Variants in GRID1 observed in about 807,000 individuals in gnomAD.
GRID1 encodes glutamate ionotropic receptor delta type subunit 1.
GRID1 carries 28 observed loss-of-function variants against 98.0 expected under a neutral mutation model. That is an observed-to-expected ratio of 0.29 (90% CI 0.21 to 0.39). The LOEUF (loss-of-function observed/expected upper bound fraction) is 0.39, where lower values mean the gene tolerates loss of function less well. Ranked by LOEUF, GRID1 falls within the 10% of genes least tolerant of loss-of-function variation. The pLI is 1.00. For synonymous variants in GRID1, 553 were observed against 538.5 expected (o/e 1.03, Z -0.37); for missense variants, 1,111 against 1,340.5 (o/e 0.83, Z 2.67).
chr10:86,065,457 C>T (rs1843706849), intron 4 of GRID1, among the ~76,000 whole-genome samples: 1 of 152,244 alleles, frequency 6.6e-6, no homozygotes, highest in Non-Finnish European at 1.5e-5. Context: ...TTGGCTCCAG[C>T]ACAGCTGAGT....
chr10:85,832,546 A>G (rs1842876369), intron 8 of GRID1, among the ~76,000 whole-genome samples: 1 of 152,214 alleles, frequency 6.6e-6, no homozygotes, highest in Admixed American at 6.5e-5. Context: ...TTTCTGAAGA[A>G]GATGATGTAG....
chr10:86,252,915 T>C (rs1463960912), intron 2 of GRID1, among the ~76,000 whole-genome samples: 1 of 152,112 alleles, frequency 6.6e-6, no homozygotes, highest in Non-Finnish European at 1.5e-5. Context: ...ATCCAGAAAA[T>C]AAGTGGTGAT....
chr10:86,022,170 T>G (rs1843058665), intron 4 of GRID1, among the ~76,000 whole-genome samples: 1 of 152,226 alleles, frequency 6.6e-6, no homozygotes, highest in Non-Finnish European at 1.5e-5. Flanking sequence ...TATCTTAATC[T>G]AAACGCTAAA....
At chr10:86,208,533 C>A (rs1222680538) in intron 2 of GRID1, among the ~76,000 whole-genome samples, 1 of 152,160 alleles carries the variant, frequency 6.6e-6, no homozygotes, top group African/African-American at 2.4e-5. Flanking sequence ...CAACTGCCCA[C>A]CCTGGACCCT....
At chr10:86,338,340 T>G (rs1334050007) in intron 2 of GRID1, among the ~76,000 whole-genome samples, 2 of 152,200 alleles carry the variant, frequency 1.3e-5, no homozygotes, top group Non-Finnish European at 2.9e-5. Context: ...TCTGCCATTT[T>G]TGCTAAGCCC....
intron 4 of GRID1, among the ~76,000 whole-genome samples, chr10:85,917,910 C>T (rs933983478): frequency 5.3e-5 from 8 of 152,232 alleles, no homozygotes; most frequent in Non-Finnish European, 8.8e-5. Flanking sequence ...AAGGAGGACA[C>T]TTCAGCGTGG....
intron 5 of GRID1, among the ~76,000 whole-genome samples, chr10:85,894,342 G>A (rs1841250913): frequency 1.3e-5 from 2 of 152,090 alleles, no homozygotes; most frequent in Middle Eastern, 3.2e-3. Context: ...AACAACATGC[G>A]TGTGTCTCAA....
chr10:85,635,458 C>A lies in GRID1; in HGVS notation c.2193+11744G>T, dbSNP rs77093538. On this transcript the variant is annotated intron_variant, in intron 13 of 15. Transcript: ENST00000327946. ...TGCCCTTACTGCAAGTGGACCCCAGCAATTTTGCTGCTCACTCATGTTTAA... is the reference window on the plus strand; with the variant it reads ...TGCCCTTACTGCAAGTGGACCCCAGAAATTTTGCTGCTCACTCATGTTTAA... 2.3e-3 allele frequency among the ~76,000 whole-genome samples: 348 copies of A among 152,294 alleles called. 2 individuals carry two copies. Among genetic ancestry groups the A allele is most frequent in the African/African-American group, 8.1e-3 (338 of 41,564 alleles).
At chr10:85,934,764 G>A (rs1198261459) in intron 4 of GRID1, among the ~76,000 whole-genome samples, 1 of 152,180 alleles carries the variant, frequency 6.6e-6, no homozygotes, top group Admixed American at 6.5e-5. Context: ...CACGCTGGCT[G>A]GGGCCACTGC....
chr10:86,119,439 T>C (rs544089702), intron 4 of GRID1, among the ~76,000 whole-genome samples: 11 of 152,292 alleles, frequency 7.2e-5, no homozygotes, highest in Admixed American at 3.3e-4. Context: ...TGTTCTATAA[T>C]GATGTAAGAA....
chr10:85,824,452 T>A (rs1430761171), intron 8 of GRID1, among the ~76,000 whole-genome samples: 1 of 152,250 alleles, frequency 6.6e-6, no homozygotes, highest in African/African-American at 2.4e-5. Flanking sequence ...CCTTAAGTGA[T>A]CTGCCCGCCT....
intron 5 of GRID1, among the ~76,000 whole-genome samples, chr10:85,912,728 A>C (rs1050839701): frequency 6.6e-6 from 1 of 152,220 alleles, no homozygotes; most frequent in African/African-American, 2.4e-5. Flanking sequence ...GTGGGAAGAC[A>C]AGGACCCAGT....
intron 12 of GRID1, among the ~76,000 whole-genome samples, chr10:85,681,368 A>G (rs988285926): frequency 1.3e-5 from 2 of 151,396 alleles, no homozygotes; most frequent in African/African-American, 4.9e-5. Flanking sequence ...AACACCTATG[A>G]AGCAGATATT....
intron 2 of GRID1, among the ~76,000 whole-genome samples, chr10:86,236,512 C>A (rs1008229441): frequency 6.6e-6 from 1 of 152,132 alleles, no homozygotes; most frequent in African/African-American, 2.4e-5. Context: ...ATGGTCTTGG[C>A]CTTCAACTTG....
intron 5 of GRID1, among the ~76,000 whole-genome samples, chr10:85,885,012 G>T (rs894300301): frequency 2.0e-5 from 3 of 152,072 alleles, no homozygotes; most frequent in African/African-American, 7.2e-5. Flanking sequence ...CTTAATAAAA[G>T]ATTTCTGTGA....
chr10:86,201,742 A>G (rs897660886), intron 3 of GRID1, among the ~76,000 whole-genome samples: 2 of 152,202 alleles, frequency 1.3e-5, no homozygotes, highest in African/African-American at 4.8e-5. Context: ...AAACAGTGAA[A>G]TACATGTACA....
At position 85,680,491 on chromosome 10, in the gene GRID1, T is replaced by C. The variant is rs1362622781; in HGVS notation, c.1998-33094A>G. Among the ~76,000 whole-genome samples the C allele has an allele frequency of 5.3e-5, 8 of 152,294 alleles. No homozygotes were observed. In the South Asian group the frequency reaches 1.2e-3, roughly 24 times the overall value. ...AAAAAATAGCAGATGCTGGTAAGGATGCAGAGAAAAGGGAACGCGTATACA... is the reference window on the plus strand; with the variant it reads ...AAAAAATAGCAGATGCTGGTAAGGACGCAGAGAAAAGGGAACGCGTATACA... On this transcript the variant is annotated intron_variant, in intron 12 of 15. Coordinates refer to ENST00000327946, the MANE Select transcript of GRID1 (RefSeq NM_017551.3).
At chr10:86,194,003 C>G (rs1414286798) in intron 3 of GRID1, among the ~76,000 whole-genome samples, 1 of 152,072 alleles carries the variant, frequency 6.6e-6, no homozygotes, top group Non-Finnish European at 1.5e-5. Context: ...TGACTTTCTG[C>G]CCAATCACAC....
At chr10:86,256,338 A>G (rs1846917069) in intron 2 of GRID1, among the ~76,000 whole-genome samples, 1 of 152,160 alleles carries the variant, frequency 6.6e-6, no homozygotes, top group Admixed American at 6.5e-5. Flanking sequence ...TGTGGTTCAC[A>G]CCTGTAATCC....
Sources: allele counts gnomAD v4.1 joint callset (sites outside exome capture counted in the v4.1 genomes callset), GRCh38; gene constraint gnomAD v4.1.1; transcripts MANE v1.5; gene names NCBI Gene and HGNC (gene_info 2026-07-23, HGNC 2026-07-21).